LRMDA: variants seen among roughly 807,000 people sequenced by gnomAD.
LRMDA encodes the protein leucine rich melanocyte differentiation associated, also known as leucine-rich melanocyte differentiation-associated protein.
LRMDA carries 18 observed loss-of-function variants against 29.8 expected under a neutral mutation model. The ratio of observed to expected loss-of-function variants is 0.60; its 90% confidence interval spans 0.42 to 0.90. The LOEUF is 0.90. Ranked by LOEUF, LRMDA falls within the 40% of genes least tolerant of loss-of-function variation. LRMDA has a pLI of 0.00. For synonymous variants in LRMDA, 125 were observed against 109.4 expected (o/e 1.14, Z -0.89); for missense variants, 273 against 273.9 (o/e 1.00, Z 0.02).
intron 5 of LRMDA, among the ~76,000 whole-genome samples, chr10:76,207,661 C>G (rs1175187774): frequency 9.2e-5 from 14 of 152,092 alleles, no homozygotes; most frequent in Admixed American, 9.2e-4. Context: ...TCTGTCCCCT[C>G]CATAAAATAT....
At chr10:75,493,351 GTGT>G (rs1845009204) in intron 2 of LRMDA, among the ~76,000 whole-genome samples, 1 of 141,194 alleles carries the variant, frequency 7.1e-6, no homozygotes, top group African/African-American at 2.8e-5. Context: ...GAGATTGGGT[GTGT>G]GTGTGTGTGT....
At chr10:75,830,012 C>A (rs1427984469) in intron 2 of LRMDA, among the ~76,000 whole-genome samples, 1 of 152,064 alleles carries the variant, frequency 6.6e-6, no homozygotes, top group African/African-American at 2.4e-5. Flanking sequence ...CATAGATTTT[C>A]TTTGATTAGT....
At chr10:76,012,137 A>C (rs1341930752) in intron 2 of LRMDA, among the ~76,000 whole-genome samples, 1 of 152,210 alleles carries the variant, frequency 6.6e-6, no homozygotes, top group Non-Finnish European at 1.5e-5. Context: ...CCTGGAGCGC[A>C]GTTAAGTAAA....
chr10:76,481,296 C>G (rs182671721), intron 6 of LRMDA, among the ~76,000 whole-genome samples: 3 of 152,064 alleles, frequency 2.0e-5, no homozygotes, highest in Non-Finnish European at 4.4e-5. Context: ...ATATGCTCAG[C>G]CTTCTCCTTC....
chr10:76,303,737 A>G (rs1258967465), intron 5 of LRMDA, among the ~76,000 whole-genome samples: 4 of 143,266 alleles, frequency 2.8e-5, no homozygotes, highest in African/African-American at 7.8e-5. Context: ...TTTGGTGATC[A>G]GTTTTTTAAT....
At chr10:76,295,135 C>G (rs892622816) in intron 5 of LRMDA, among the ~76,000 whole-genome samples, 1 of 152,092 alleles carries the variant, frequency 6.6e-6, no homozygotes, top group Non-Finnish European at 1.5e-5. Flanking sequence ...AAGGAGAAAC[C>G]TAGGACTATG....
chr10:76,194,420 C>T (rs139998722), intron 5 of LRMDA, among the ~76,000 whole-genome samples: 77 of 151,978 alleles, frequency 5.1e-4, no homozygotes, highest in Middle Eastern at 3.4e-3. Flanking sequence ...TTTGGGTATC[C>T]GGGTACACAA....
At chr10:76,091,123 G>C (rs1198467488) in intron 5 of LRMDA, among the ~76,000 whole-genome samples, 1 of 152,178 alleles carries the variant, frequency 6.6e-6, no homozygotes. Flanking sequence ...AGTAAACACT[G>C]TAAGCCTGCT....
At chr10:76,379,285 T>C (rs1477147901) in intron 6 of LRMDA, among the ~76,000 whole-genome samples, 2 of 151,892 alleles carry the variant, frequency 1.3e-5, no homozygotes, top group Non-Finnish European at 2.9e-5. Context: ...TTTTTTGGAA[T>C]ACTTTCACTA....
intron 3 of LRMDA, among the ~76,000 whole-genome samples, chr10:76,037,940 T>C (rs1172377445): frequency 2.0e-5 from 3 of 152,232 alleles, no homozygotes; most frequent in Non-Finnish European, 2.9e-5. Context: ...ACAGTCTTTG[T>C]CATAATGAAA....
At chr10:75,482,267 C>T (rs570904537) in intron 2 of LRMDA, among the ~76,000 whole-genome samples, 1 of 152,110 alleles carries the variant, frequency 6.6e-6, no homozygotes, top group Non-Finnish European at 1.5e-5. Context: ...TCTGCCATTG[C>T]CTGCTCTGAG....
Position 75,751,124 on chromosome 10 carries a change from G to C in LRMDA, c.132-284884G>C, listed in dbSNP as rs181268368. On this transcript the variant is annotated intron_variant, in intron 2 of 6. Coordinates refer to ENST00000611255, the MANE Select transcript of LRMDA (RefSeq NM_001305581.2). ...CGGTCAGGAGCTGGAGACCAGTCCG[G>C]CCAACACGGTGAAACCCCGTCTCCA... 4.5e-3 allele frequency among the ~76,000 whole-genome samples: 687 copies of C among 152,340 alleles called. 5 individuals carry two copies. Among genetic ancestry groups the C allele is most frequent in the African/African-American group, 0.015 (636 of 41,570 alleles).
intron 2 of LRMDA, among the ~76,000 whole-genome samples, chr10:75,731,444 A>G (rs1339012579): frequency 1.3e-5 from 2 of 152,248 alleles, no homozygotes; most frequent in South Asian, 2.1e-4. Context: ...TTTAAGCTCC[A>G]TGAAGTAGAA....
intron 6 of LRMDA, among the ~76,000 whole-genome samples, chr10:76,383,524 G>A (rs1232512979): frequency 1.1e-4 from 16 of 141,726 alleles, no homozygotes; most frequent in Admixed American, 1.1e-3. Flanking sequence ...TCCGCTTCCC[G>A]GGTTCACGCC....
At chr10:76,002,957 G>GTTAA (rs1554839927) in intron 2 of LRMDA, among the ~76,000 whole-genome samples, 1 of 152,154 alleles carries the variant, frequency 6.6e-6, no homozygotes, top group Non-Finnish European at 1.5e-5. Context: ...ACAATCTGCA[G>GTTAA]TTTATTTATT....
At chr10:76,213,721 G>A (rs564152788) in intron 5 of LRMDA, among the ~76,000 whole-genome samples, 10 of 152,164 alleles carry the variant, frequency 6.6e-5, no homozygotes, top group African/African-American at 2.2e-4. Flanking sequence ...ATATTAAAGA[G>A]CATTGGAAAT....
intron 2 of LRMDA, among the ~76,000 whole-genome samples, chr10:75,849,571 G>A (rs1844696755): frequency 6.6e-6 from 1 of 152,138 alleles, no homozygotes; most frequent in African/African-American, 2.4e-5. Flanking sequence ...CATAGATACA[G>A]GGAGGGAAAC....
At chr10:75,477,056 A>G (rs1160286228) in intron 2 of LRMDA, among the ~76,000 whole-genome samples, 1 of 151,624 alleles carries the variant, frequency 6.6e-6, no homozygotes, top group African/African-American at 2.4e-5. Context: ...AGTGGCGCCA[A>G]CACAGCTCAC....
chr10:76,187,532 G>C (rs1346135163), intron 5 of LRMDA, among the ~76,000 whole-genome samples: 1 of 152,136 alleles, frequency 6.6e-6, no homozygotes, highest in Admixed American at 6.5e-5. Context: ...TAATCATTTT[G>C]AGCTTCAATT....
Sources: allele counts gnomAD v4.1 joint callset (sites outside exome capture counted in the v4.1 genomes callset), GRCh38; gene constraint gnomAD v4.1.1; transcripts MANE v1.5; gene names NCBI Gene and HGNC (gene_info 2026-07-23, HGNC 2026-07-21).